PROS1: variants seen among roughly 807,000 people sequenced by gnomAD.
The protein encoded by PROS1 is vitamin K-dependent protein S.
Under a neutral mutation model 75.9 loss-of-function variants are expected in PROS1, and 29 were observed. The observed-to-expected ratio is 0.38, with a 90% CI of 0.28 to 0.52. PROS1 has a LOEUF of 0.52. Ranked by LOEUF, PROS1 falls within the 20% of genes least tolerant of loss-of-function variation. PROS1 has a pLI of 0.83. For missense variants in PROS1, 680 were observed against 810.3 expected (o/e 0.84, Z 1.95); for synonymous variants, 245 against 280.6 (o/e 0.87, Z 1.27).
intron 1 of PROS1, among the ~76,000 whole-genome samples, chr3:93,960,471 T>C (rs1214905109): frequency 6.7e-6 from 1 of 149,562 alleles, no homozygotes; most frequent in Non-Finnish European, 1.5e-5. Flanking sequence ...CCACCGCGTC[T>C]GGCTGCGTTT....
At chr3:93,897,278 C>T (rs1019461179) in intron 8 of PROS1, among the ~76,000 whole-genome samples, 2 of 152,026 alleles carry the variant, frequency 1.3e-5, no homozygotes, top group Non-Finnish European at 2.9e-5. Flanking sequence ...AAAGTCATCA[C>T]ATATGGTATC....
In PROS1 at chr3:93,947,558, TAGAA is replaced by T. The variant is rs775510020; in HGVS notation, c.77-20155_77-20152del. On this transcript the variant is annotated intron_variant, in intron 1 of 14. Coordinates refer to ENST00000394236, the MANE Select transcript of PROS1 (RefSeq NM_000313.4). ...TTTGGGAGAAAGCCGATAAAGCAACTAGAAAGAGTTATTTTCTTTTTTTTTTCTG... is the reference window on the plus strand; with the variant it reads ...TTTGGGAGAAAGCCGATAAAGCAACTAGAGTTATTTTCTTTTTTTTTTCTG... Among the ~76,000 whole-genome samples the T allele has an allele frequency of 1.2e-4, 19 of 152,114 alleles. No individual in the cohort carries two copies. The South Asian group carries it at 2.5e-3, about 20-fold the overall frequency.
intron 7 of PROS1, among the ~76,000 whole-genome samples, chr3:93,899,144 ATC>A (rs1708546858): frequency 6.6e-6 from 1 of 151,614 alleles, no homozygotes; most frequent in African/African-American, 2.4e-5. Context: ...TTAGGGAAAT[ATC>A]TGTTTTTTTT....
At chr3:93,907,675 G>A (rs1017512831) in intron 4 of PROS1, among the ~76,000 whole-genome samples, 2 of 152,058 alleles carry the variant, frequency 1.3e-5, no homozygotes, top group African/African-American at 4.8e-5. Context: ...AAGAACTCAG[G>A]CAAAGGCACC....
At chr3:93,943,285 C>T (rs559440699) in intron 1 of PROS1, among the ~76,000 whole-genome samples, 1 of 152,090 alleles carries the variant, frequency 6.6e-6, no homozygotes, top group Non-Finnish European at 1.5e-5. Context: ...AAAAACTCAC[C>T]AACCAAGCAA....
chr3:93,944,329 CAAGA>C (rs1709343922), intron 1 of PROS1, among the ~76,000 whole-genome samples: 1 of 151,916 alleles, frequency 6.6e-6, no homozygotes, highest in Admixed American at 6.6e-5. Flanking sequence ...TGAAAAAGAC[CAAGA>C]AAACTGACTT....
At chr3:93,933,992 G>A (rs1380640155) in intron 1 of PROS1, among the ~76,000 whole-genome samples, 1 of 129,500 alleles carries the variant, frequency 7.7e-6, no homozygotes, top group Non-Finnish European at 1.6e-5. Flanking sequence ...CTGGGCGACA[G>A]AAAGAGACTC....
chr3:93,968,372 A>T (rs1218862529), intron 1 of PROS1, among the ~76,000 whole-genome samples: 2 of 152,210 alleles, frequency 1.3e-5, no homozygotes, highest in African/African-American at 4.8e-5. Flanking sequence ...ATCTGAGGTT[A>T]CCAGGAGCTA....
At chr3:93,941,179 C>G (rs745957211) in intron 1 of PROS1, among the ~76,000 whole-genome samples, 2 of 152,148 alleles carry the variant, frequency 1.3e-5, no homozygotes, top group Non-Finnish European at 2.9e-5. Flanking sequence ...TTTCTTTCCA[C>G]TCCTCCACTT....
intron 1 of PROS1, among the ~76,000 whole-genome samples, chr3:93,951,546 G>A (rs1425691146): frequency 6.6e-6 from 1 of 152,150 alleles, no homozygotes; most frequent in African/African-American, 2.4e-5. Flanking sequence ...AGTAAATGCT[G>A]AGAGATTTTG....
Position 93,877,013 on chromosome 3 carries a change from T to C in PROS1, c.1823A>G (p.Asp608Gly), listed in dbSNP as rs1354833303. 3 of 1,614,026 alleles carry C rather than the reference T, an allele frequency of 1.9e-6. No homozygotes were observed. The highest frequency in any genetic ancestry group is 2.5e-6 in the Non-Finnish European group (3 of 1,179,892). ...EDLQRQLAVL[D>G]KAMKAKVATY... is the part of the protein sequence containing the mutation. ...GGCCACTTTTGCTTTCATTGCTTTG[T>C]CCAAGACGGCAAGTTGTCTTTGAAG... is the stretch of plus-strand genomic sequence containing the variant. Residue 608 changes from aspartate to glycine, a missense_variant, in exon 14 of 15, where the codon GAC becomes GGC. Physicochemically the swap from Asp to Gly is moderately conservative, Grantham distance 94. Transcript: ENST00000394236.
At chr3:93,908,015 G>A (rs964983290) in intron 4 of PROS1, among the ~76,000 whole-genome samples, 1 of 152,230 alleles carries the variant, frequency 6.6e-6, no homozygotes. Context: ...GGGCGTGGTG[G>A]CACATGCCTG....
Position 93,910,700 on chromosome 3 carries a change from G to A in PROS1, c.265C>T (p.Leu89Phe), listed in dbSNP as rs1708748113. 1 of 1,611,382 alleles carries A rather than the reference G, an allele frequency of 6.2e-7. No homozygotes were observed. The highest frequency in any genetic ancestry group is 8.5e-7 in the Non-Finnish European group (1 of 1,178,116). The change falls in exon 4 of 15, where the codon CTT becomes TTT. Residue 89 changes from leucine to phenylalanine, a missense_variant. Coordinates refer to ENST00000394236, the MANE Select transcript of PROS1 (RefSeq NM_000313.4). ...AATAACCCAGTTTGAAAAGAGCGAA[G>A]ACAAACTGAAAATAAAAACAAACAT... ...DYFYPKYLVCLRSFQTGLFTA... is the reference protein window; with the variant it reads ...DYFYPKYLVCFRSFQTGLFTA...
At chr3:93,895,308 A>G (rs559290879) in intron 9 of PROS1, among the ~76,000 whole-genome samples, 2 of 152,320 alleles carry the variant, frequency 1.3e-5, no homozygotes, top group Non-Finnish European at 2.9e-5. Flanking sequence ...ACTAGAACTA[A>G]TATTTTTCTC....
At chr3:93,940,245 T>G (rs1297474423) in intron 1 of PROS1, among the ~76,000 whole-genome samples, 3 of 152,160 alleles carry the variant, frequency 2.0e-5, no homozygotes, top group Non-Finnish European at 4.4e-5. Context: ...GATTGACGCC[T>G]TCCCAGATTT....
intron 2 of PROS1, among the ~76,000 whole-genome samples, chr3:93,926,668 T>C (rs1200542093): frequency 6.6e-6 from 1 of 152,168 alleles, no homozygotes; most frequent in Admixed American, 6.5e-5. Context: ...AATGGAGAAA[T>C]TTAATGAAGC....
chr3:93,873,852 A>C lies in PROS1; in HGVS notation c.*393T>G. On this transcript the variant is annotated 3_prime_UTR_variant, in exon 15 of 15. Coordinates refer to ENST00000394236, the MANE Select transcript of PROS1 (RefSeq NM_000313.4). Reference sequence around the variant, plus strand: ...AACATAAACAAAATAGTATCTGCCTATGATTAATAGTATTTAATTACACGC... The same window carrying C: ...AACATAAACAAAATAGTATCTGCCTCTGATTAATAGTATTTAATTACACGC... 1 of 223,206 alleles carries C rather than the reference A, an allele frequency of 4.5e-6. No individual in the cohort carries two copies. The highest frequency in any genetic ancestry group is 5.3e-5 in the Admixed American group (1 of 18,758). 13.8% of individuals were successfully genotyped at this position (223,206 alleles called of 1,614,324 possible). A position where few individuals can be genotyped will look rare whatever the true frequency, so the allele number is the denominator to read the frequency against.
intron 1 of PROS1, among the ~76,000 whole-genome samples, chr3:93,944,475 C>T (rs1709347565): frequency 6.6e-6 from 1 of 152,184 alleles, no homozygotes; most frequent in African/African-American, 2.4e-5. Flanking sequence ...ACAATGCAAT[C>T]AAACTAGAAC....
intron 1 of PROS1, chr3:93,928,782 C>A: frequency 7.9e-7 from 1 of 1,272,420 alleles, no homozygotes; most frequent in African/African-American, 1.5e-5. Flanking sequence ...AAAATCATTT[C>A]TAAAATATAA....
Sources: allele counts gnomAD v4.1 joint callset (sites outside exome capture counted in the v4.1 genomes callset), GRCh38; gene constraint gnomAD v4.1.1; transcripts MANE v1.5; gene names NCBI Gene and HGNC (gene_info 2026-07-23, HGNC 2026-07-21).